Variants in CNTNAP2 observed in about 807,000 individuals in gnomAD.
CNTNAP2 encodes contactin associated protein 2.
CNTNAP2 carries 98 observed loss-of-function variants against 155.2 expected under a neutral mutation model. The observed-to-expected ratio is 0.63, with a 90% CI of 0.54 to 0.75. The LOEUF (loss-of-function observed/expected upper bound fraction) is 0.75. CNTNAP2 is among the 30% of genes least tolerant of loss of function. CNTNAP2 has a pLI of 0.00. For missense variants in CNTNAP2, 1,727 were observed against 1,688.1 expected, an observed-to-expected ratio of 1.02 and a Z score of -0.40; for synonymous variants, 651 against 631.2, an observed-to-expected ratio of 1.03 and a Z score of -0.47.
intron 3 of CNTNAP2, among the ~76,000 whole-genome samples, chr7:146,951,003 G>GCACCTTTCTAACTTTC (rs1217926676): frequency 5.5e-4 from 84 of 152,174 alleles, no homozygotes; most frequent in African/African-American, 2.0e-3. Context: ...GCGTGAGATG[G>GCACCTTTCTAACTTTC]TATCTCATCG....
At chr7:147,090,441 C>G (rs1800378385) in intron 4 of CNTNAP2, among the ~76,000 whole-genome samples, 1 of 151,758 alleles carries the variant, frequency 6.6e-6, no homozygotes, top group Admixed American at 6.6e-5. Context: ...CATGTTTTAC[C>G]TGAATGGGAT....
At chr7:147,531,841 C>CT (rs1382152870) in intron 11 of CNTNAP2, among the ~76,000 whole-genome samples, 1 of 148,478 alleles carries the variant, frequency 6.7e-6, no homozygotes, top group African/African-American at 2.5e-5. Context: ...AAGTCTCACT[C>CT]TGTCACCCAG....
At position 146,229,248 on chromosome 7, in the gene CNTNAP2, A is replaced by G. The variant is rs201111084; in HGVS notation, c.97+112275A>G. On this transcript the variant is annotated intron_variant, in intron 1 of 23. Transcript: ENST00000361727. ...AGAAATATCATTATAAAAGAACTGGAATGTCAGAAAACACTAAGAACATTC... is the reference window on the plus strand; with the variant it reads ...AGAAATATCATTATAAAAGAACTGGGATGTCAGAAAACACTAAGAACATTC... 2.0e-5 allele frequency among the ~76,000 whole-genome samples: 3 copies of G among 152,330 alleles called. No individual in the cohort carries two copies. In the East Asian group the frequency reaches 5.8e-4, roughly 29 times the overall value.
chr7:146,968,076 T>C (rs1245456283), intron 3 of CNTNAP2, among the ~76,000 whole-genome samples: 2 of 150,658 alleles, frequency 1.3e-5, no homozygotes, highest in African/African-American at 4.8e-5. Context: ...ATCATGTGTT[T>C]TTTGTCTTTG....
intron 1 of CNTNAP2, among the ~76,000 whole-genome samples, chr7:146,146,089 T>C (rs1797954601): frequency 6.6e-6 from 1 of 152,206 alleles, no homozygotes; most frequent in African/African-American, 2.4e-5. Flanking sequence ...TGAGTACAAC[T>C]AAACCCCAAT....
At chr7:147,783,853 T>TA (rs1182968096) in intron 13 of CNTNAP2, among the ~76,000 whole-genome samples, 1 of 152,178 alleles carries the variant, frequency 6.6e-6, no homozygotes, top group Non-Finnish European at 1.5e-5. Context: ...CTGAATTTAC[T>TA]AGCAGCTGTA....
At chr7:146,795,788 A>G (rs889782299) in intron 2 of CNTNAP2, among the ~76,000 whole-genome samples, 2 of 152,180 alleles carry the variant, frequency 1.3e-5, no homozygotes, top group Admixed American at 1.3e-4. Flanking sequence ...AATTTCAATG[A>G]TAGGAAGACA....
At chr7:147,810,098 C>T (rs573401412) in intron 13 of CNTNAP2, among the ~76,000 whole-genome samples, 2 of 152,194 alleles carry the variant, frequency 1.3e-5, no homozygotes, top group East Asian at 1.9e-4. Context: ...CTTGTAAGTA[C>T]TTTGTATGGC....
chr7:146,653,209 G>A (rs926363044), intron 1 of CNTNAP2, among the ~76,000 whole-genome samples: 5 of 152,104 alleles, frequency 3.3e-5, no homozygotes, highest in African/African-American at 1.2e-4. Context: ...AGAGAAAGTA[G>A]TCATTCTTCA....
At chr7:147,101,990 T>G (rs1800667218) in intron 4 of CNTNAP2, among the ~76,000 whole-genome samples, 1 of 152,132 alleles carries the variant, frequency 6.6e-6, no homozygotes, top group African/African-American at 2.4e-5. Flanking sequence ...CCCTCTTGTC[T>G]CCTGTTCATA....
intron 13 of CNTNAP2, among the ~76,000 whole-genome samples, chr7:147,764,133 T>C (rs1040699114): frequency 6.6e-6 from 1 of 152,038 alleles, no homozygotes; most frequent in African/African-American, 2.4e-5. Context: ...CTGTTTGCTA[T>C]GGGTTATTTT....
At chr7:147,556,685 C>T (rs1322200337) in intron 11 of CNTNAP2, among the ~76,000 whole-genome samples, 1 of 152,052 alleles carries the variant, frequency 6.6e-6, no homozygotes. Flanking sequence ...ATAGATTTCC[C>T]CCCTAGAATT....
At chr7:146,192,137 GTTC>G (rs1286603754) in intron 1 of CNTNAP2, among the ~76,000 whole-genome samples, 1 of 152,122 alleles carries the variant, frequency 6.6e-6, no homozygotes, top group African/African-American at 2.4e-5. Context: ...CACAATTTAT[GTTC>G]TTCTGCCATC....
At chr7:146,132,166 C>T (rs575388626) in intron 1 of CNTNAP2, among the ~76,000 whole-genome samples, 5 of 152,208 alleles carry the variant, frequency 3.3e-5, no homozygotes, top group Admixed American at 2.6e-4. Flanking sequence ...TGCTAAAATA[C>T]GTTCTTTACA....
chr7:148,136,332 G>C (rs981912550), intron 16 of CNTNAP2, among the ~76,000 whole-genome samples: 10 of 151,962 alleles, frequency 6.6e-5, no homozygotes, highest in Admixed American at 5.9e-4. Context: ...TTCATGAATG[G>C]CTTGGTGCTC....
chr7:148,259,924 T>C (rs935269209), intron 20 of CNTNAP2, among the ~76,000 whole-genome samples: 3 of 152,232 alleles, frequency 2.0e-5, no homozygotes, highest in African/African-American at 4.8e-5. Context: ...TTAATTTTAA[T>C]GAGCCTCTAT....
intron 3 of CNTNAP2, among the ~76,000 whole-genome samples, chr7:146,923,860 C>T (rs961696106): frequency 6.6e-6 from 1 of 152,012 alleles, no homozygotes; most frequent in Non-Finnish European, 1.5e-5. Context: ...TCACCTGGGA[C>T]TTGTTAGAAT....
chr7:148,031,845 C>T (rs1802482369), intron 15 of CNTNAP2, among the ~76,000 whole-genome samples: 1 of 152,094 alleles, frequency 6.6e-6, no homozygotes, highest in Admixed American at 6.6e-5. Context: ...GGAGGAGACT[C>T]AGTCAGAGAG....
chr7:147,786,448 T>A (rs1159478658), intron 13 of CNTNAP2, among the ~76,000 whole-genome samples: 1 of 152,142 alleles, frequency 6.6e-6, no homozygotes, highest in Admixed American at 6.5e-5. Flanking sequence ...CTCACAACTG[T>A]GACCTTTATA....
Sources: gnomAD v4.1 joint callset for allele counts (sites outside exome capture counted in the v4.1 genomes callset) on GRCh38, gnomAD v4.1.1 for gene constraint, MANE v1.5 for transcripts, NCBI Gene and HGNC (gene_info 2026-07-23, HGNC 2026-07-21) for gene names.